TSC1: variants seen among roughly 807,000 people sequenced by gnomAD.
The protein encoded by TSC1 is hamartin.
In TSC1, 20 loss-of-function variants were observed where a neutral mutation model predicts 124.3. That is an observed-to-expected ratio of 0.16 (90% CI 0.11 to 0.23). The LOEUF (loss-of-function observed/expected upper bound fraction) is 0.23. TSC1 is among the 10% of genes least tolerant of loss of function. The pLI, the probability that TSC1 is intolerant of heterozygous loss-of-function variation, is 1.00. For synonymous variants in TSC1, 493 were observed against 539.1 expected (o/e 0.91, Z 1.19); for missense variants, 1,124 against 1,448.5 (o/e 0.78, Z 3.64).
chr9:132,944,215 G>C (rs898302934), intron 1 of TSC1, among the ~76,000 whole-genome samples: 1 of 152,056 alleles, frequency 6.6e-6, no homozygotes, highest in African/African-American at 2.4e-5. Flanking sequence ...CCCACCAAGT[G>C]AGGGACTGAC....
rs1844938506 is a variant in TSC1 at position 132,894,681 on chromosome 9, T to C, written c.*1554A>G. ...CCTTTAGTTAGGGATGCTAGAATAT[T>C]TATTGCCATGCTAAAAAAAAAAAAA... On this transcript the variant is annotated 3_prime_UTR_variant, in exon 23 of 23. Coordinates refer to ENST00000298552, the MANE Select transcript of TSC1 (RefSeq NM_000368.5). The C allele has an allele frequency of 4.5e-6, 1 of 219,990 alleles. No individual in the cohort carries two copies. The highest frequency in any genetic ancestry group is 9.0e-6 in the Non-Finnish European group (1 of 111,424). The allele number at this position is 219,990 out of a possible 1,614,324, so 13.6% of individuals were successfully genotyped here.
rs536268472 is a variant in TSC1 at position 132,902,355 on chromosome 9, C to T, written c.2391+250G>A. 6.6e-6 allele frequency among the ~76,000 whole-genome samples: 1 copy of T among 152,268 alleles called. No homozygotes were observed. The highest frequency in any genetic ancestry group is 1.9e-4 in the East Asian group (1 of 5,188). ...TAATGAGCAGAACTGTTAACTGTTT[C>T]CTTTTGGCTGCAGAAAAAAAAATGA... On this transcript the variant is annotated intron_variant, in intron 18 of 22. Coordinates refer to ENST00000298552, the MANE Select transcript of TSC1 (RefSeq NM_000368.5). This position sits in a 1 kb window ranked among gnomAD's most constrained non-coding sequence, Gnocchi z 5.2.
At chr9:132,929,790 G>A (rs1016896226) in intron 2 of TSC1, among the ~76,000 whole-genome samples, 5 of 152,148 alleles carry the variant, frequency 3.3e-5, no homozygotes, top group Non-Finnish European at 4.4e-5. Context: ...CCATGTAATT[G>A]GCACTTTTGT....
chr9:132,922,047 G>C (rs2132165911), intron 6 of TSC1, 74 bp from the exon 7 acceptor site: 1 of 1,587,208 alleles, frequency 6.3e-7, no homozygotes, highest in Non-Finnish European at 8.6e-7. Context: ...CTATAAACAA[G>C]TGGCTGCCAG....
chr9:132,911,207 C>A, intron 10 of TSC1, 94 bp from the exon 11 acceptor site: 1 of 1,086,600 alleles, frequency 9.2e-7, no homozygotes, highest in South Asian at 1.3e-5. Context: ...TTAAATTTAG[C>A]TTTTTCATCT....
chr9:132,906,875 GT>G lies in TSC1; in HGVS notation c.1334-41del. The G allele has an allele frequency of 6.6e-7, 1 of 1,524,412 alleles. No individual in the cohort carries two copies. Among genetic ancestry groups the G allele is most frequent in the Non-Finnish European group, 9.1e-7 (1 of 1,099,366 alleles). 94.4% of individuals were successfully genotyped at this position (1,524,412 alleles called of 1,614,324 possible). A position where few individuals can be genotyped will look rare whatever the true frequency, so the allele number is the denominator to read the frequency against. On this transcript the variant is annotated intron_variant, in intron 13 of 22. Transcript: ENST00000298552. This position sits in a 1 kb window ranked among gnomAD's most constrained non-coding sequence, Gnocchi z 4.1. The stretch of plus-strand genomic sequence containing the variant: ...AGACAACTGAAGTCAAAGAAATACA[GT>G]GTAATCCCTGTAAGTGTAAAACTGC...
Position 132,922,242 on chromosome 9 carries a change from C to T in TSC1, c.509-269G>A, listed in dbSNP as rs1387899415. 2.0e-5 allele frequency among the ~76,000 whole-genome samples: 3 copies of T among 152,236 alleles called. No homozygotes were observed. The East Asian group carries it at 5.8e-4, about 29-fold the overall frequency. ...ATGAAGGCTCTTCCTGATCTAACTT[C>T]TGCCCTCCTCTTCAGCCACTGCCCA... is the stretch of plus-strand genomic sequence containing the variant. On this transcript the variant is annotated intron_variant, in intron 6 of 22. Transcript: ENST00000298552.
rs1392095786 is a variant in TSC1 at position 132,902,756 on chromosome 9, A to G, written c.2240T>C (p.Ile747Thr). Residue 747 changes from isoleucine (I) to threonine (T), a missense_variant, in exon 18 of 23, where the codon ATC becomes ACC. Transcript: ENST00000298552. This position sits in a 1 kb window ranked among gnomAD's most constrained non-coding sequence, Gnocchi z 5.2. The part of the protein sequence containing the change: ...KDQLKLQEKD[I>T]QMWKVSLQKE... ...CTGCAGACTAACCTTCCACATCTGG[A>G]TGTCCTTCTCTTGTAACTTCAACTG... 2 of 1,613,930 alleles carry G rather than the reference A, an allele frequency of 1.2e-6. No individual in the cohort carries two copies. The highest frequency in any genetic ancestry group is 1.7e-6 in the Non-Finnish European group (2 of 1,180,034).
At chr9:132,939,528 T>C (rs1847629405) in intron 1 of TSC1, among the ~76,000 whole-genome samples, 1 of 152,232 alleles carries the variant, frequency 6.6e-6, no homozygotes, top group African/African-American at 2.4e-5. Context: ...AAGAATCTTC[T>C]AGTAACTTAA....
intron 8 of TSC1, among the ~76,000 whole-genome samples, chr9:132,913,430 C>CT (rs1846073781): frequency 6.6e-6 from 1 of 152,146 alleles, no homozygotes; most frequent in South Asian, 2.1e-4. Flanking sequence ...TAAAAGCATG[C>CT]TTTTTCAGGG....
Position 132,906,726 on chromosome 9 carries a change from A to T in TSC1, c.1438+5T>A. 6.2e-7 allele frequency: 1 copy of T among 1,612,004 alleles called. No individual in the cohort carries two copies. The highest frequency in any genetic ancestry group is 8.5e-7 in the Non-Finnish European group (1 of 1,178,490). ...ATCAACTCATAGCAATCCCACATACATTACCTTCTTCTTTATCTTTTTCAA... is the reference window on the plus strand; with the variant it reads ...ATCAACTCATAGCAATCCCACATACTTTACCTTCTTCTTTATCTTTTTCAA... On this transcript the variant is annotated splice_donor_5th_base_variant and intron_variant, in intron 14 of 22. Coordinates refer to ENST00000298552, the MANE Select transcript of TSC1 (RefSeq NM_000368.5). The surrounding 1 kb of genome is among the most constrained non-coding windows in gnomAD (Gnocchi z 4.1).
intron 8 of TSC1, among the ~76,000 whole-genome samples, chr9:132,918,826 C>G (rs1383461280): frequency 6.6e-6 from 1 of 152,224 alleles, no homozygotes; most frequent in Non-Finnish European, 1.5e-5. Flanking sequence ...GTGAACAAAG[C>G]TGTTTTGTCT....
chr9:132,928,946 T>C lies in TSC1; in HGVS notation c.-74A>G. The C allele has an allele frequency of 6.2e-7, 1 of 1,602,484 alleles. No individual in the cohort carries two copies. On this transcript the variant is annotated 5_prime_UTR_variant, in exon 3 of 23. The change abolishes the stop of an existing upstream ORF in the 5' untranslated region. Coordinates refer to ENST00000298552, the MANE Select transcript of TSC1 (RefSeq NM_000368.5). ...TCTGAAGGTTCTTCATTGGGGCCAC[T>C]ACCAAACTGAGAAAAAGGAAGATGA...
At chr9:132,929,859 G>C (rs530657847) in intron 2 of TSC1, among the ~76,000 whole-genome samples, 2 of 152,148 alleles carry the variant, frequency 1.3e-5, no homozygotes. Flanking sequence ...CACAAAGCTA[G>C]CAAGAGGCAA....
Position 132,921,247 on chromosome 9 carries a change from T to G in TSC1, c.737+116A>C. On this transcript the variant is annotated intron_variant, in intron 8 of 22. Coordinates refer to ENST00000298552, the MANE Select transcript of TSC1 (RefSeq NM_000368.5). The surrounding 1 kb of genome is among the most constrained non-coding windows in gnomAD (Gnocchi z 4.3). ...GCTGTATGAGTGCTTCCAAGTGGAC[T>G]GATTCTGTAAGTAGAACATCTATAT... 1 of 1,116,498 alleles carries G rather than the reference T, an allele frequency of 9.0e-7. No individual in the cohort carries two copies. The highest frequency in any genetic ancestry group is 1.3e-6 in the Non-Finnish European group (1 of 751,360). The allele number at this position is 1,116,498 out of a possible 1,614,324, so 69.2% of individuals were successfully genotyped here.
At chr9:132,912,179 G>T in intron 9 of TSC1, 103 bp downstream of exon 9, 1 of 1,419,772 alleles carries the variant, frequency 7.0e-7, no homozygotes, top group Non-Finnish European at 9.9e-7. Flanking sequence ...AAATCCCTAG[G>T]AACTGAACTA....
In TSC1 at chr9:132,904,427, G is replaced by T; in HGVS notation, c.2025C>A (p.Asp675Glu). ...CAACTTTACCTCCAAAGTGGGTCCAGTCGACAGACTTGCTGGGTAAAGGCA... is the reference window on the plus strand; with the variant it reads ...CAACTTTACCTCCAAAGTGGGTCCATTCGACAGACTTGCTGGGTAAAGGCA... Reference protein sequence around the residue: ...NKLPLPSKSVDWTHFGGSPPS... With the variant: ...NKLPLPSKSVEWTHFGGSPPS... The change falls in exon 16 of 23, where the codon GAC (aspartate) becomes GAA (glutamate). Residue 675 changes from aspartate (D) to glutamate (E), a missense_variant. Asp to Glu is a conservative substitution (Grantham distance 45, BLOSUM62 2). Coordinates refer to ENST00000298552, the MANE Select transcript of TSC1 (RefSeq NM_000368.5). 1 of 1,614,050 alleles carries T rather than the reference G, an allele frequency of 6.2e-7. No homozygotes were observed. Among genetic ancestry groups the T allele is most frequent in the South Asian group, 1.1e-5 (1 of 91,084 alleles).
chr9:132,920,628 CT>C (rs1351912548), intron 8 of TSC1, among the ~76,000 whole-genome samples: 16 of 152,130 alleles, frequency 1.1e-4, no homozygotes. Context: ...AGTGAGCTAG[CT>C]TTTTCAGCAG....
At chr9:132,913,973 A>G (rs1307315169) in intron 8 of TSC1, among the ~76,000 whole-genome samples, 1 of 128,262 alleles carries the variant, frequency 7.8e-6, no homozygotes. Flanking sequence ...ATCTCGACTC[A>G]CTGCAACCTC....
Sources: allele counts gnomAD v4.1 joint callset (sites outside exome capture counted in the v4.1 genomes callset), GRCh38; gene constraint gnomAD v4.1.1; non-coding constraint Gnocchi (gnomAD v3.1); transcripts MANE v1.5; gene names NCBI Gene and HGNC (gene_info 2026-07-23, HGNC 2026-07-21).